NARS2: variants seen among roughly 807,000 people sequenced by gnomAD.
NARS2 encodes the protein asparaginyl-tRNA synthetase.
A neutral mutation model predicts 62.9 loss-of-function variants in NARS2; 60 were observed. The ratio of observed to expected loss-of-function variants is 0.95; its 90% confidence interval spans 0.77 to 1.18. NARS2 has a LOEUF of 1.18. Ranked by LOEUF, NARS2 falls within the 50% of genes most tolerant of loss-of-function variation. The pLI is 0.00. For missense variants in NARS2, 619 were observed against 576.4 expected, an observed-to-expected ratio of 1.07 and a Z score of -0.76; for synonymous variants, 196 against 200.0, an observed-to-expected ratio of 0.98 and a Z score of 0.17.
chr11:78,529,893 C>A (rs922507810), intron 5 of NARS2, among the ~76,000 whole-genome samples: 1 of 152,138 alleles, frequency 6.6e-6, no homozygotes, highest in Non-Finnish European at 1.5e-5. Context: ...ACTGTAAAAG[C>A]AATATAGCCA....
At chr11:78,488,254 CTG>C (rs1859663440) in intron 7 of NARS2, among the ~76,000 whole-genome samples, 1 of 140,918 alleles carries the variant, frequency 7.1e-6, no homozygotes, top group African/African-American at 2.6e-5. Context: ...AAAAAAAAAA[CTG>C]TGTATGTGTG....
intron 6 of NARS2, among the ~76,000 whole-genome samples, chr11:78,506,342 T>TA (rs1259379117): frequency 6.6e-6 from 1 of 152,146 alleles, no homozygotes; most frequent in Admixed American, 6.5e-5. Flanking sequence ...CCAAGGGAAA[T>TA]AAAAACATAT....
In NARS2 at chr11:78,436,574, C is replaced by G; in HGVS notation, c.*96G>C. 2 of 1,296,400 alleles carry G rather than the reference C, an allele frequency of 1.5e-6. No individual in the cohort carries two copies. Among genetic ancestry groups the G allele is most frequent in the Non-Finnish European group, 2.1e-6 (2 of 935,222 alleles). 80.3% of individuals were successfully genotyped at this position (1,296,400 alleles called of 1,614,324 possible). ...TGGCACAACAATTACATATTGAAAT[C>G]TGCATTTCTAAAATCCAAACATGCA... On this transcript the variant is annotated 3_prime_UTR_variant, in exon 14 of 14. Transcript: ENST00000281038.
chr11:78,520,176 T>C (rs1861063204), intron 6 of NARS2, among the ~76,000 whole-genome samples: 1 of 152,204 alleles, frequency 6.6e-6, no homozygotes, highest in Non-Finnish European at 1.5e-5. Context: ...AGAAATGTAT[T>C]CTCTCAGCTG....
At chr11:78,519,086 G>C (rs528723661) in intron 6 of NARS2, among the ~76,000 whole-genome samples, 4 of 152,096 alleles carry the variant, frequency 2.6e-5, no homozygotes, top group Non-Finnish European at 4.4e-5. Flanking sequence ...AGGGAATGAA[G>C]AATGAGAAAG....
intron 5 of NARS2, among the ~76,000 whole-genome samples, chr11:78,538,161 T>C (rs1230756520): frequency 6.6e-6 from 1 of 152,182 alleles, no homozygotes; most frequent in East Asian, 1.9e-4. Context: ...GGTCCACTGA[T>C]GTCACACTGC....
intron 7 of NARS2, among the ~76,000 whole-genome samples, chr11:78,486,850 A>ATTCTTAAAGGGAATGT (rs1312853884): frequency 6.6e-6 from 1 of 152,198 alleles, no homozygotes; most frequent in Non-Finnish European, 1.5e-5. Flanking sequence ...CATCTTCCAC[A>ATTCTTAAAGGGAATGT]GGTAAAGGGA....
At chr11:78,464,671 T>C (rs915115694) in intron 11 of NARS2, among the ~76,000 whole-genome samples, 6 of 151,952 alleles carry the variant, frequency 3.9e-5, no homozygotes, top group African/African-American at 1.5e-4. Context: ...GAGTGCTGAT[T>C]GGTGTATTTA....
intron 12 of NARS2, among the ~76,000 whole-genome samples, chr11:78,443,413 C>T (rs1166689298): frequency 6.6e-6 from 1 of 151,812 alleles, no homozygotes; most frequent in African/African-American, 2.4e-5. Flanking sequence ...TAAAAAGCTA[C>T]TTTCCATAGG....
chr11:78,487,251 G>A (rs11603043), intron 7 of NARS2, among the ~76,000 whole-genome samples: 3 of 151,704 alleles, frequency 2.0e-5, no homozygotes, highest in African/African-American at 4.8e-5. Flanking sequence ...AGCTACTCAG[G>A]AGGCTGAGGC....
intron 7 of NARS2, among the ~76,000 whole-genome samples, chr11:78,482,420 G>C (rs1160797977): frequency 6.6e-6 from 1 of 151,686 alleles, no homozygotes; most frequent in Admixed American, 6.6e-5. Context: ...AGGAAATAGA[G>C]ACACAAAAAA....
rs552566978 is a variant in NARS2, at chr11:78,451,490, G to A, written c.1165-7732C>T. Among the ~76,000 whole-genome samples, 21 of 152,276 alleles carry A rather than the reference G, an allele frequency of 1.4e-4. No individual in the cohort carries two copies. In the East Asian group the frequency reaches 1.5e-3, roughly 11 times the overall value. On this transcript the variant is annotated intron_variant, in intron 11 of 13. Transcript: ENST00000281038. ...TGTGTTTCACAAGTTATTGGGAGCC[G>A]GTTAAGAGTGCAGGCAGGTTGGAAA...
At chr11:78,542,646 T>C (rs1855666067) in intron 5 of NARS2, among the ~76,000 whole-genome samples, 1 of 152,176 alleles carries the variant, frequency 6.6e-6, no homozygotes, top group African/African-American at 2.4e-5. Context: ...TAAATACTTA[T>C]AAATCCCAGC....
At chr11:78,508,036 T>C (rs913573437) in intron 6 of NARS2, among the ~76,000 whole-genome samples, 3 of 151,666 alleles carry the variant, frequency 2.0e-5, no homozygotes, top group African/African-American at 7.3e-5. Context: ...GCAATCTTAA[T>C]AAAAAAAGAA....
intron 6 of NARS2, among the ~76,000 whole-genome samples, chr11:78,521,027 C>G (rs574848059): frequency 4.6e-4 from 68 of 148,682 alleles, no homozygotes; most frequent in African/African-American, 1.7e-3. Flanking sequence ...CCACTGCACT[C>G]CAGCCTGGGC....
At chr11:78,461,094 A>G (rs1275597248) in intron 11 of NARS2, among the ~76,000 whole-genome samples, 2 of 152,144 alleles carry the variant, frequency 1.3e-5, no homozygotes, top group Non-Finnish European at 2.9e-5. Context: ...GCTATCTGAG[A>G]GGGGGCTAGT....
intron 6 of NARS2, among the ~76,000 whole-genome samples, chr11:78,499,260 T>C (rs899499423): frequency 2.6e-5 from 4 of 152,140 alleles, no homozygotes; most frequent in African/African-American, 4.8e-5. Flanking sequence ...TAGTCAATAT[T>C]TGTCAAATAA....
At chr11:78,523,242 AG>A in intron 6 of NARS2, among the ~76,000 whole-genome samples, 1 of 152,202 alleles carries the variant, frequency 6.6e-6, no homozygotes, top group East Asian at 1.9e-4. Context: ...ATTAGTAGTC[AG>A]GGGAATGCAA....
intron 11 of NARS2, among the ~76,000 whole-genome samples, chr11:78,459,013 G>T (rs1858281158): frequency 6.6e-6 from 1 of 152,046 alleles, no homozygotes; most frequent in Admixed American, 6.6e-5. Flanking sequence ...TGCCTACTGG[G>T]TTCAAGCAAT....
Sources: gnomAD v4.1 joint callset for allele counts (sites outside exome capture counted in the v4.1 genomes callset) on GRCh38, gnomAD v4.1.1 for gene constraint, MANE v1.5 for transcripts, NCBI Gene and HGNC (gene_info 2026-07-23, HGNC 2026-07-21) for gene names.